Variants in NF1 observed in about 807,000 individuals in gnomAD.
The protein encoded by NF1 is neurofibromin 1.
NF1 carries 122 observed loss-of-function variants against 325.7 expected under a neutral mutation model. That is an observed-to-expected ratio of 0.37 (90% CI 0.32 to 0.44). The LOEUF (loss-of-function observed/expected upper bound fraction) is 0.44. Among genes scored for constraint, NF1 ranks in the 20% least tolerant of loss-of-function variants. NF1 has a pLI of 1.00. For synonymous variants in NF1, 1,091 were observed against 1,186.0 expected (o/e 0.92, Z 1.65); for missense variants, 2,140 against 3,415.4 (o/e 0.63, Z 9.31).
At chr17:31,126,569 G>A (rs1263240144) in intron 1 of NF1, among the ~76,000 whole-genome samples, 1 of 152,052 alleles carries the variant, frequency 6.6e-6, no homozygotes, top group Non-Finnish European at 1.5e-5. Flanking sequence ...AGCCTCTTGA[G>A]TAGCTGGGAC....
At position 31,357,256 on chromosome 17, in the gene NF1, T is replaced by C. The variant is rs1430833855; in HGVS notation, c.7870-13T>C. On this transcript the variant is annotated splice_polypyrimidine_tract_variant and intron_variant, in intron 53 of 57. Coordinates refer to ENST00000358273, the MANE Select transcript of NF1 (RefSeq NM_001042492.3). ...TAAAAATGTTGTGTGTTTACTTTTT[T>C]GCATCTTGGCAGGCTACACTGGTAA... 1 of 1,612,176 alleles carries C rather than the reference T, an allele frequency of 6.2e-7. No individual in the cohort carries two copies. The highest frequency in any genetic ancestry group is 1.1e-5 in the South Asian group (1 of 91,050).
intron 1 of NF1, among the ~76,000 whole-genome samples, chr17:31,132,281 C>T (rs1915448921): frequency 6.6e-6 from 1 of 151,914 alleles, no homozygotes; most frequent in Non-Finnish European, 1.5e-5. Context: ...GTGGGTCATG[C>T]CTGTAATCCC....
At chr17:31,252,864 T>G (rs2067519550) in intron 30 of NF1, 74 bp from the exon 31 acceptor site, 1 of 1,213,900 alleles carries the variant, frequency 8.2e-7, no homozygotes, top group Non-Finnish European at 1.2e-6. Context: ...TAATTTTATG[T>G]ACAAGCCAAC....
intron 36 of NF1, among the ~76,000 whole-genome samples, chr17:31,316,124 C>T (rs1227083815): frequency 1.3e-5 from 2 of 152,122 alleles, no homozygotes; most frequent in African/African-American, 2.4e-5. Flanking sequence ...TGGCCTCAAA[C>T]TCCTGGCCTC....
At chr17:31,327,964 T>A in intron 38 of NF1, 125 bp downstream of exon 38, 1 of 900,108 alleles carries the variant, frequency 1.1e-6, no homozygotes, top group Non-Finnish European at 1.7e-6. Flanking sequence ...CAGTGTTGGT[T>A]AACCACTGTG....
chr17:31,142,596 T>A (rs2952984), intron 1 of NF1, among the ~76,000 whole-genome samples: 1 of 151,938 alleles, frequency 6.6e-6, no homozygotes, highest in African/African-American at 2.4e-5. Context: ...GGCCGGGCAC[T>A]GTGGCTCATG....
chr17:31,159,593 G>A (rs1029000967), intron 3 of NF1, among the ~76,000 whole-genome samples: 1 of 152,236 alleles, frequency 6.6e-6, no homozygotes, highest in African/African-American at 2.4e-5. Context: ...CGATAGGTAT[G>A]TGGAGGAGGA....
chr17:31,326,981 CAGTGGCGTGATCTCAG>C (rs2069360119), intron 37 of NF1, among the ~76,000 whole-genome samples: 1 of 41,216 alleles, frequency 2.4e-5, no homozygotes. Flanking sequence ...GGCTGGAGTG[CAGTGGCGTGATCTCAG>C]AGTGCAGTGG....
intron 12 of NF1, among the ~76,000 whole-genome samples, chr17:31,207,157 A>G (rs1419144150): frequency 1.3e-5 from 2 of 152,128 alleles, no homozygotes; most frequent in East Asian, 1.9e-4. Context: ...TCAGATGCCA[A>G]CCAGTCACTG....
intron 29 of NF1, among the ~76,000 whole-genome samples, chr17:31,247,193 C>CAAA (rs10564306): frequency 4.2e-5 from 4 of 94,426 alleles, no homozygotes; most frequent in African/African-American, 1.1e-4. Context: ...GACTCCATCT[C>CAAA]AAAAAAAAAA....
chr17:31,294,977 G>A (rs769964527), intron 36 of NF1: 2 of 1,613,810 alleles, frequency 1.2e-6, no homozygotes, highest in South Asian at 2.2e-5. Context: ...TCAGGGAGGA[G>A]TGCTTTCATT....
rs1437064740 is a variant in NF1 at position 31,156,495 on chromosome 17, TC to T, written c.204+370del. ...CACAGTAATCCATTACACATATTTT[TC>T]TTTAGCATCTTGTTTGAATTTACTT... On this transcript the variant is annotated intron_variant, in intron 2 of 57. Coordinates refer to ENST00000358273, the MANE Select transcript of NF1 (RefSeq NM_001042492.3). 1.6e-4 allele frequency among the ~76,000 whole-genome samples: 25 copies of T among 152,324 alleles called. 1 individual carries two copies. In the South Asian group the frequency reaches 4.6e-3, roughly 28 times the overall value.
chr17:31,242,828 C>T (rs2067323636), intron 29 of NF1, among the ~76,000 whole-genome samples: 1 of 152,096 alleles, frequency 6.6e-6, no homozygotes, highest in South Asian at 2.1e-4. Context: ...TCATGTTTTT[C>T]TGGATGGTCT....
intron 29 of NF1, among the ~76,000 whole-genome samples, chr17:31,236,606 A>ATT (rs60376313): frequency 2.2e-5 from 3 of 138,948 alleles, no homozygotes; most frequent in South Asian, 2.3e-4. Context: ...CGCCCAGGTA[A>ATT]TTTTTTTTTT....
In NF1 at chr17:31,232,058, T is replaced by C. The variant is rs1244034798; in HGVS notation, c.3198-15T>C. ...TGGTCTCTAAATTTTTTTTTTTTTT[T>C]TTTTTTTTTTTCAGAGATTTGGACC... On this transcript the variant is annotated splice_polypyrimidine_tract_variant and intron_variant, in intron 24 of 57. Transcript: ENST00000358273. 1 of 1,349,972 alleles carries C rather than the reference T, an allele frequency of 7.4e-7. No individual in the cohort carries two copies. Among genetic ancestry groups the C allele is most frequent in the South Asian group, 1.4e-5 (1 of 72,126 alleles). 83.6% of individuals were successfully genotyped at this position (1,349,972 alleles called of 1,614,324 possible).
At chr17:31,366,218 G>A (rs1210631166) in intron 57 of NF1, among the ~76,000 whole-genome samples, 1 of 152,114 alleles carries the variant, frequency 6.6e-6, no homozygotes, top group Non-Finnish European at 1.5e-5. Context: ...ACAGGCATGA[G>A]CCACCGCACC....
At position 31,374,307 on chromosome 17, in the gene NF1, C is replaced by T; in HGVS notation, c.*152C>T. 1.0e-6 allele frequency: 1 copy of T among 980,214 alleles called. No homozygotes were observed. The highest frequency in any genetic ancestry group is 1.6e-6 in the Non-Finnish European group (1 of 633,678). 60.7% of individuals were successfully genotyped at this position (980,214 alleles called of 1,614,324 possible). A position where few individuals can be genotyped will look rare whatever the true frequency, so the allele number is the denominator to read the frequency against. On this transcript the variant is annotated 3_prime_UTR_variant, in exon 58 of 58. Coordinates refer to ENST00000358273, the MANE Select transcript of NF1 (RefSeq NM_001042492.3). ...GTTTGCCATGTTGCCAGATGATCAA[C>T]TCTTCGAAGCCTTGCCTAAATTTAA...
At chr17:31,112,239 T>C (rs1451017783) in intron 1 of NF1, among the ~76,000 whole-genome samples, 1 of 152,188 alleles carries the variant, frequency 6.6e-6, no homozygotes, top group Non-Finnish European at 1.5e-5. Flanking sequence ...TAAAGTTGTC[T>C]TGAAGATTCA....
Position 31,350,187 on chromosome 17 carries a change from A to G in NF1, c.7326A>G (p.Leu2442=), listed in dbSNP as rs753224880. Residue 2442 remains leucine (L), a synonymous_variant, in exon 50 of 58, where the codon TTA becomes TTG. Coordinates refer to ENST00000358273, the MANE Select transcript of NF1 (RefSeq NM_001042492.3). ...CTGCCACCGTTTTCCTTTTAGCTTT[A>G]CTTACAGTGTCTGAAGAAGTTCGAA... ...NTQSVAYLAA[L]LTVSEEVRSR... is the part of the protein sequence containing the mutation. The G allele has an allele frequency of 1.2e-6, 2 of 1,613,942 alleles. No individual in the cohort carries two copies. Among genetic ancestry groups the G allele is most frequent in the Admixed American group, 3.3e-5 (2 of 60,020 alleles).
Sources: gnomAD v4.1 joint callset for allele counts (sites outside exome capture counted in the v4.1 genomes callset) on GRCh38, gnomAD v4.1.1 for gene constraint, MANE v1.5 for transcripts, NCBI Gene and HGNC (gene_info 2026-07-23, HGNC 2026-07-21) for gene names.